Variants in C4orf54 observed in about 807,000 individuals in gnomAD.
C4orf54 encodes chromosome 4 open reading frame 54.
A neutral mutation model predicts 80.1 loss-of-function variants in C4orf54; 67 were observed. That is an observed-to-expected ratio of 0.84 (90% confidence interval 0.69 to 1.03). The LOEUF (loss-of-function observed/expected upper bound fraction) is 1.03, where lower values mean the gene tolerates loss of function less well. C4orf54 is among the 50% of genes least tolerant of loss of function. C4orf54 has a pLI of 0.00. For missense variants in C4orf54, 2,434 were observed against 2,253.5 expected (o/e 1.08, Z -1.62); for synonymous variants, 1,000 against 917.0 (o/e 1.09, Z -1.64).
At position 99,653,698 on chromosome 4, in the gene C4orf54, G is replaced by A. The variant is rs764806498; in HGVS notation, c.951C>T (p.Ala317=). 2.0e-6 allele frequency: 3 copies of A among 1,526,134 alleles called. No individual in the cohort carries two copies. Among genetic ancestry groups the A allele is most frequent in the East Asian group, 2.5e-5 (1 of 40,784 alleles). The allele number at this position is 1,526,134 out of a possible 1,614,324, so 94.5% of individuals were successfully genotyped here. A position where few individuals can be genotyped will look rare whatever the true frequency, so the allele number is the denominator to read the frequency against. The change falls in exon 2 of 3, where the codon GCC becomes GCT. Residue 317 remains alanine (A), a synonymous_variant. Coordinates refer to ENST00000511828, the MANE Select transcript of C4orf54 (RefSeq NM_001354435.2). Reference sequence around the variant, plus strand: ...ATATTTTCTCTCCTTCTCCTCCCACGGCCTGGCAACCTTCACTTTCACCAC... The same window carrying A: ...ATATTTTCTCTCCTTCTCCTCCCACAGCCTGGCAACCTTCACTTTCACCAC... The part of the protein sequence containing the change: ...SESGESEGCQ[A]VGGEGEKISG...
rs765512484 is a variant in C4orf54, at chr4:99,649,461, C to T, written c.5188G>A (p.Ala1730Thr). 41 of 1,536,006 alleles carry T rather than the reference C, an allele frequency of 2.7e-5. No homozygotes were observed. The South Asian group carries it at 4.8e-4, about 18-fold the overall frequency. ...ATFTEAPYFMASGQSPASSTS... is the reference protein window; with the variant it reads ...ATFTEAPYFMTSGQSPASSTS... ...GAGGAGGCCGGAGACTGACCAGAAGCCATGAAGTATGGGGCCTCGGTGAAC... is the reference window on the plus strand; with the variant it reads ...GAGGAGGCCGGAGACTGACCAGAAGTCATGAAGTATGGGGCCTCGGTGAAC... The change falls in exon 2 of 3, where the codon GCT becomes ACT. Residue 1730 changes from alanine (A) to threonine (T), a missense_variant. Transcript: ENST00000511828.
intron 2 of C4orf54, among the ~76,000 whole-genome samples, chr4:99,645,997 A>T (rs1726694486): frequency 6.6e-6 from 1 of 152,174 alleles, no homozygotes; most frequent in Non-Finnish European, 1.5e-5. Context: ...TGACCACAGG[A>T]TGAAGAGAAG....
At position 99,639,481 on chromosome 4, in the gene C4orf54, C is replaced by A. The variant is rs530691438; in HGVS notation, c.*1752G>T. On this transcript the variant is annotated 3_prime_UTR_variant, in exon 3 of 3. Transcript: ENST00000511828. ...GAAGACCTCTATGATAAAGAAATATCTTTTTCTTGAATTTGGCACAAGGGC... is the reference window on the plus strand; with the variant it reads ...GAAGACCTCTATGATAAAGAAATATATTTTTCTTGAATTTGGCACAAGGGC... 5.9e-5 allele frequency: 9 copies of A among 152,126 alleles called. No individual in the cohort carries two copies. In the South Asian group the frequency reaches 1.7e-3, roughly 28 times the overall value. 9.4% of individuals were successfully genotyped at this position (152,126 alleles called of 1,614,324 possible). A position where few individuals can be genotyped will look rare whatever the true frequency, so the allele number is the denominator to read the frequency against.
intron 1 of C4orf54, 91 bp from the exon 2 acceptor site, chr4:99,654,770 G>T: frequency 1.7e-6 from 1 of 597,240 alleles, no homozygotes. Context: ...AGGGTAGAAA[G>T]AAGAGGCTCT....
At chr4:99,643,792 A>ACCTC (rs1726650764) in intron 2 of C4orf54, among the ~76,000 whole-genome samples, 1 of 98,862 alleles carries the variant, frequency 1.0e-5, no homozygotes. Context: ...ACACACACAC[A>ACCTC]CCCCCTCCGC....
In C4orf54 at chr4:99,649,513, T is replaced by C. The variant is rs757268119; in HGVS notation, c.5136A>G (p.Glu1712=). ...RGSELSPMVA[E]PSSKEAAATF... is the part of the protein sequence containing the mutation. ...TTGCAGCTGCCTCTTTGCTGGAAGG[T>C]TCTGCCACCATTGGGGAGAGCTCAC... The change falls in exon 2 of 3, where the codon GAA becomes GAG. Residue 1712 remains glutamate (E), a synonymous_variant. Coordinates refer to ENST00000511828, the MANE Select transcript of C4orf54 (RefSeq NM_001354435.2). The C allele has an allele frequency of 1.3e-6, 2 of 1,536,072 alleles. No individual in the cohort carries two copies. Among genetic ancestry groups the C allele is most frequent in the East Asian group, 2.4e-5 (1 of 40,898 alleles).
Position 99,650,840 on chromosome 4 carries a change from A to G in C4orf54, c.3809T>C (p.Phe1270Ser). 6.5e-7 allele frequency: 1 copy of G among 1,536,140 alleles called. No homozygotes were observed. The highest frequency in any genetic ancestry group is 8.7e-7 in the Non-Finnish European group (1 of 1,146,918). Residue 1270 changes from phenylalanine to serine, a missense_variant, in exon 2 of 3, where the codon TTC (phenylalanine) becomes TCC (serine). Transcript: ENST00000511828. ...TTTGCGCTTCCACTCGTTCCTGTTG[A>G]AGCTGTACAGCTCTTCCATGGACCT... ...AVRSMEELYSFNRNEWKRKSD... is the reference protein window; with the variant it reads ...AVRSMEELYSSNRNEWKRKSD...
At chr4:99,646,948 A>G (rs1726710054) in intron 2 of C4orf54, among the ~76,000 whole-genome samples, 1 of 152,210 alleles carries the variant, frequency 6.6e-6, no homozygotes, top group Non-Finnish European at 1.5e-5. Context: ...GTGAGTTTTG[A>G]AAAATTTTTA....
In C4orf54 at chr4:99,654,463, G is replaced by GGTGGTCT. The variant is rs1287328865; in HGVS notation, c.179_185dup (p.Ser63AspfsTer91). ...GAAGGCTCCTGGATGAGGCGGTGGA[G>GGTGGTCT]GTGGTCTGTGGCTGGGGGGCTGCTG... On this transcript the variant is annotated frameshift_variant, in exon 2 of 3. Transcript: ENST00000511828. LOFTEE classifies it high-confidence loss of function. The GGTGGTCT allele has an allele frequency of 5.6e-6, 4 of 710,796 alleles. No individual in the cohort carries two copies. The highest frequency in any genetic ancestry group is 1.0e-5 in the Non-Finnish European group (4 of 392,056). 44.0% of individuals were successfully genotyped at this position (710,796 alleles called of 1,614,324 possible). A position where few individuals can be genotyped will look rare whatever the true frequency, so the allele number is the denominator to read the frequency against.
chr4:99,654,475 C>T lies in C4orf54; in HGVS notation c.174G>A (p.Gln58=), dbSNP rs867139274. 1.1e-5 allele frequency: 8 copies of T among 706,922 alleles called. No individual in the cohort carries two copies. The Middle Eastern group carries it at 1.6e-3, about 141-fold the overall frequency. The allele number at this position is 706,922 out of a possible 1,614,324, so 43.8% of individuals were successfully genotyped here. ...ATGAGGCGGTGGAGGTGGTCTGTGG[C>T]TGGGGGGCTGCTGCTCCGGCCGAGA... The part of the protein sequence containing the change: ...ATVSAGAAAP[Q]PQTTSTASSR... The change falls in exon 2 of 3, where the codon CAG becomes CAA. Residue 58 remains glutamine (Q), a synonymous_variant. Coordinates refer to ENST00000511828, the MANE Select transcript of C4orf54 (RefSeq NM_001354435.2).
At position 99,650,621 on chromosome 4, in the gene C4orf54, C is replaced by G. The variant is rs1726798156; in HGVS notation, c.4028G>C (p.Arg1343Thr). 6.5e-7 allele frequency: 1 copy of G among 1,535,942 alleles called. No homozygotes were observed. Among genetic ancestry groups the G allele is most frequent in the South Asian group, 1.2e-5 (1 of 84,060 alleles). ...ACTCTCAGCGCTGGGGTTGGAGTTT[C>G]TCCGCTGCAGACGTTCTATGGGGGC... ...RGAPIERLQR[R>T]NSNPSAESVS... The change falls in exon 2 of 3, where the codon AGA (arginine) becomes ACA (threonine). Residue 1343 changes from arginine (R) to threonine (T), a missense_variant. Coordinates refer to ENST00000511828, the MANE Select transcript of C4orf54 (RefSeq NM_001354435.2).
Position 99,654,021 on chromosome 4 carries a change from T to C in C4orf54, c.628A>G (p.Thr210Ala). The C allele has an allele frequency of 6.5e-7, 1 of 1,536,088 alleles. No homozygotes were observed. Among genetic ancestry groups the C allele is most frequent in the Non-Finnish European group, 8.7e-7 (1 of 1,146,878 alleles). Residue 210 changes from threonine (T) to alanine (A), a missense_variant, in exon 2 of 3, where the codon ACC becomes GCC. Thr to Ala is a moderately conservative substitution (Grantham distance 58). Coordinates refer to ENST00000511828, the MANE Select transcript of C4orf54 (RefSeq NM_001354435.2). ...CAGTGCCCCAGGGTAAGTTTCATGGTCTGGGGACTCTCCCTCTGGACTTCA... is the reference window on the plus strand; with the variant it reads ...CAGTGCCCCAGGGTAAGTTTCATGGCCTGGGGACTCTCCCTCTGGACTTCA... ...SAEVQRESPQ[T>A]MKLTLGHCPG...
At chr4:99,656,068 C>T (rs759773655) in intron 1 of C4orf54, among the ~76,000 whole-genome samples, 4 of 152,068 alleles carry the variant, frequency 2.6e-5, no homozygotes, top group Non-Finnish European at 5.9e-5. Context: ...GCCCACACCA[C>T]TGCCATTAAA....
Position 99,651,747 on chromosome 4 carries a change from T to C in C4orf54, c.2902A>G (p.Lys968Glu). The change falls in exon 2 of 3, where the codon AAA (lysine) becomes GAA (glutamate). Residue 968 changes from lysine (K) to glutamate (E), a missense_variant. By Grantham distance (56) the Lys-to-Glu change is moderately conservative. Coordinates refer to ENST00000511828, the MANE Select transcript of C4orf54 (RefSeq NM_001354435.2). ...AGATCAGCCCGCCAGTCGCCTCCTTTGGGCAGCTTCAGCTTCCCTATAGGG... is the reference window on the plus strand; with the variant it reads ...AGATCAGCCCGCCAGTCGCCTCCTTCGGGCAGCTTCAGCTTCCCTATAGGG... Reference protein sequence around the residue: ...QAPIGKLKLPKGGDWRADLGE... With the variant: ...QAPIGKLKLPEGGDWRADLGE... 6.5e-7 allele frequency: 1 copy of C among 1,536,082 alleles called. No individual in the cohort carries two copies. Among genetic ancestry groups the C allele is most frequent in the Non-Finnish European group, 8.7e-7 (1 of 1,146,894 alleles).
rs1409720008 is a variant in C4orf54, at chr4:99,651,783, C to T, written c.2866G>A (p.Glu956Lys). The change falls in exon 2 of 3, where the codon GAG becomes AAG. Residue 956 changes from glutamate to lysine, a missense_variant. Transcript: ENST00000511828. ...AGCTTCCCTATAGGGGCTTGTTCCT[C>T]CCTCTTCTCGGCCTCTTTCTCCTTC... ...SWKEKEAEKR[E>K]EQAPIGKLKL... The T allele has an allele frequency of 1.0e-5, 16 of 1,535,966 alleles. No individual in the cohort carries two copies. Among genetic ancestry groups the T allele is most frequent in the East Asian group, 4.9e-5 (2 of 40,912 alleles).
chr4:99,642,933 C>T (rs1026367230), intron 2 of C4orf54, among the ~76,000 whole-genome samples: 1 of 152,200 alleles, frequency 6.6e-6, no homozygotes, highest in Non-Finnish European at 1.5e-5. Context: ...TTGGGGGATA[C>T]TAGAGTACCC....
intron 1 of C4orf54, among the ~76,000 whole-genome samples, chr4:99,657,270 G>T (rs1726992461): frequency 6.6e-6 from 1 of 152,208 alleles, no homozygotes; most frequent in African/African-American, 2.4e-5. Flanking sequence ...CTTTTCATAT[G>T]GCCTTGTCTG....
Position 99,653,556 on chromosome 4 carries a change from C to A in C4orf54, c.1093G>T (p.Ala365Ser). ...GSRDPPKVEEAHYITTHEIQL... is the reference protein window; with the variant it reads ...GSRDPPKVEESHYITTHEIQL... ...ATCTCATGGGTGGTGATGTAGTGAG[C>A]CTCTTCGACTTTGGGGGGGTCCCTG... The change falls in exon 2 of 3, where the codon GCT becomes TCT. Residue 365 changes from alanine to serine, a missense_variant. Physicochemically the swap from Ala to Ser is moderately conservative, Grantham distance 99. Coordinates refer to ENST00000511828, the MANE Select transcript of C4orf54 (RefSeq NM_001354435.2). 2 of 1,536,090 alleles carry A rather than the reference C, an allele frequency of 1.3e-6. No homozygotes were observed. Among genetic ancestry groups the A allele is most frequent in the East Asian group, 4.9e-5 (2 of 40,902 alleles).
rs1319192318 is a variant in C4orf54 at position 99,651,141 on chromosome 4, G to A, written c.3508C>T (p.Pro1170Ser). ...CCCCCTTTGCCCATGCTTTCCCTGG[G>A]CTCTCGGTCCATGCTGTCTTCCCTC... ...NQREDSMDRE[P>S]RESMGKGGGS... The change falls in exon 2 of 3, where the codon CCC (proline) becomes TCC (serine). Residue 1170 changes from proline to serine, a missense_variant. By Grantham distance (74) the Pro-to-Ser change is moderately conservative (BLOSUM62 -1). Transcript: ENST00000511828. 3.3e-6 allele frequency: 5 copies of A among 1,536,106 alleles called. No individual in the cohort carries two copies. The highest frequency in any genetic ancestry group is 2.4e-5 in the East Asian group (1 of 40,920).
Sources: gnomAD v4.1 joint callset for allele counts (sites outside exome capture counted in the v4.1 genomes callset) on GRCh38, gnomAD v4.1.1 for gene constraint, MANE v1.5 for transcripts, NCBI Gene and HGNC (gene_info 2026-07-23, HGNC 2026-07-21) for gene names.